Variants in LRRC46 observed in about 807,000 individuals in gnomAD.
The protein encoded by LRRC46 is leucine-rich repeat-containing protein 46.
LRRC46 carries 20 observed loss-of-function variants against 28.0 expected under a neutral mutation model. The ratio of observed to expected loss-of-function variants is 0.71; its 90% CI spans 0.50 to 1.04. The LOEUF is 1.04. LRRC46 is among the 50% of genes least tolerant of loss of function. LRRC46 has a pLI of 0.00. For synonymous variants in LRRC46, 156 were observed against 158.8 expected, an observed-to-expected ratio of 0.98 and a Z score of 0.13; for missense variants, 315 against 390.1, an observed-to-expected ratio of 0.81 and a Z score of 1.62.
At chr17:47,833,490 G>T (rs555166087) in intron 2 of LRRC46, among the ~76,000 whole-genome samples, 2 of 142,198 alleles carry the variant, frequency 1.4e-5, no homozygotes. Flanking sequence ...ACTCTGTTGC[G>T]CAGGCTGGAG....
chr17:47,834,091 C>T (rs1454106266), intron 2 of LRRC46: 7 of 1,029,492 alleles, frequency 6.8e-6, no homozygotes, highest in East Asian at 8.7e-5. Context: ...TGTCCCACCC[C>T]TGCCTCCACC....
At chr17:47,833,783 C>G in intron 2 of LRRC46, 1 of 176,526 alleles carries the variant, frequency 5.7e-6, no homozygotes, top group Non-Finnish European at 1.1e-5. Flanking sequence ...TAGGGTCTTG[C>G]TCTGTCACCC....
At chr17:47,835,604 CTCTTT>C (rs2033684447) in intron 4 of LRRC46, 57 bp from the exon 5 acceptor site, 1 of 1,548,782 alleles carries the variant, frequency 6.5e-7, no homozygotes, top group Non-Finnish European at 8.9e-7. Flanking sequence ...AGGTGCCCTC[CTCTTT>C]TCTTCCAGCT....
chr17:47,833,448 AT>A (rs35268915), intron 2 of LRRC46, among the ~76,000 whole-genome samples: 32,842 of 117,872 alleles, frequency 0.28, 3,296 homozygotes, highest in East Asian at 0.52. Flanking sequence ...CCTTCTTCCT[AT>A]TTTTTTTTTT....
In LRRC46 at chr17:47,831,921, T is replaced by G. The variant is rs904906275; in HGVS notation, c.-69T>G. On this transcript the variant is annotated 5_prime_UTR_variant, in exon 1 of 8. Coordinates refer to ENST00000269025, the MANE Select transcript of LRRC46 (RefSeq NM_033413.4). ...CCTGCCATCCTGAGTTCTGCCATCCTTAGGGGCCGCCAAGACCTCTCTTTT... is the reference window on the plus strand; with the variant it reads ...CCTGCCATCCTGAGTTCTGCCATCCGTAGGGGCCGCCAAGACCTCTCTTTT... 1.2e-6 allele frequency: 2 copies of G among 1,607,306 alleles called. No homozygotes were observed. The highest frequency in any genetic ancestry group is 2.2e-5 in the South Asian group (2 of 90,816).
In LRRC46 at chr17:47,834,428, TCA is replaced by T. The variant is rs778743968; in HGVS notation, c.124_125del (p.Thr42SerfsTer2). On this transcript the variant is annotated frameshift_variant, in exon 3 of 8. Coordinates refer to ENST00000269025, the MANE Select transcript of LRRC46 (RefSeq NM_033413.4). LOFTEE classifies it high-confidence loss of function. ...EDGELSEKMF[H>X]TLDELQTVRL... The stretch of plus-strand genomic sequence containing the variant: ...CCCTTACTGACTCTTTTCCCAGGTT[TCA>T]CACTCTTGATGAACTGCAGACTGTC... 1.9e-6 allele frequency: 3 copies of T among 1,611,038 alleles called. No homozygotes were observed. Among genetic ancestry groups the T allele is most frequent in the Non-Finnish European group, 2.5e-6 (3 of 1,177,954 alleles).
chr17:47,833,949 CTG>C (rs1189560832), intron 2 of LRRC46: 1 of 985,544 alleles, frequency 1.0e-6, no homozygotes, highest in African/African-American at 1.7e-5. Context: ...GGCAGAGACT[CTG>C]TCATTTGTCT....
chr17:47,837,221 T>G lies in LRRC46; in HGVS notation c.*101T>G. 1.0e-5 allele frequency: 15 copies of G among 1,482,818 alleles called. No individual in the cohort carries two copies. Among genetic ancestry groups the G allele is most frequent in the African/African-American group, 1.4e-5 (1 of 70,592 alleles). The allele number at this position is 1,482,818 out of a possible 1,614,324, so 91.9% of individuals were successfully genotyped here. A position where few individuals can be genotyped will look rare whatever the true frequency, so the allele number is the denominator to read the frequency against. ...AAGCCCATCCCCAGTAAAGTGTCTCTAGGCCCTGAGTATGCTTTTCATGTC... is the reference window on the plus strand; with the variant it reads ...AAGCCCATCCCCAGTAAAGTGTCTCGAGGCCCTGAGTATGCTTTTCATGTC... On this transcript the variant is annotated 3_prime_UTR_variant, in exon 8 of 8. Coordinates refer to ENST00000269025, the MANE Select transcript of LRRC46 (RefSeq NM_033413.4).
chr17:47,833,489 C>T (rs1598043603), intron 2 of LRRC46, among the ~76,000 whole-genome samples: 2 of 147,416 alleles, frequency 1.4e-5, no homozygotes, highest in African/African-American at 5.1e-5. Flanking sequence ...CACTCTGTTG[C>T]GCAGGCTGGA....
In LRRC46 at chr17:47,831,940, C is replaced by CG. The variant is rs1311125963; in HGVS notation, c.-50_-49insG. ...CCATCCTTAGGGGCCGCCAAGACCT[C>CG]TCTTTTCGTTCCTCTCCCGCCTCAG... is the stretch of plus-strand genomic sequence containing the variant. On this transcript the variant is annotated 5_prime_UTR_variant, in exon 1 of 8. Transcript: ENST00000269025. 1 of 1,612,278 alleles carries CG rather than the reference C, an allele frequency of 6.2e-7. No individual in the cohort carries two copies. Among genetic ancestry groups the CG allele is most frequent in the Non-Finnish European group, 8.5e-7 (1 of 1,179,920 alleles).
chr17:47,835,575 G>A (rs146327377), intron 4 of LRRC46, 91 bp from the exon 5 acceptor site: 4 of 1,436,910 alleles, frequency 2.8e-6, no homozygotes, highest in Non-Finnish European at 2.9e-6. Context: ...CAGCTGCCTA[G>A]CCCAGGGGCC....
At chr17:47,835,990 G>T (rs753807668) in intron 5 of LRRC46, 43 bp from the exon 6 acceptor site, 1 of 1,605,932 alleles carries the variant, frequency 6.2e-7, no homozygotes, top group Non-Finnish European at 8.5e-7. Flanking sequence ...TTTTGGCTAA[G>T]ATCAAGTGAG....
Position 47,836,230 on chromosome 17 carries a change from C to A in LRRC46, c.453-103C>A. The stretch of plus-strand genomic sequence containing the variant: ...CTTCTCCCCCACCTCCTACCTAGCT[C>A]ATGAGCCACCACCCCTCCGGGTGTG... On this transcript the variant is annotated intron_variant, in intron 6 of 7. Coordinates refer to ENST00000269025, the MANE Select transcript of LRRC46 (RefSeq NM_033413.4). This position sits in a 1 kb window ranked among gnomAD's most constrained non-coding sequence, Gnocchi z 5.8. 6.3e-7 allele frequency: 1 copy of A among 1,583,082 alleles called. No individual in the cohort carries two copies. Among genetic ancestry groups the A allele is most frequent in the Non-Finnish European group, 8.6e-7 (1 of 1,156,956 alleles).
Position 47,836,730 on chromosome 17 carries a change from C to A in LRRC46, c.596-20C>A, listed in dbSNP as rs767273416. On this transcript the variant is annotated intron_variant, in intron 7 of 7. Coordinates refer to ENST00000269025, the MANE Select transcript of LRRC46 (RefSeq NM_033413.4). The surrounding 1 kb of genome is among the most constrained non-coding windows in gnomAD (Gnocchi z 5.8). ...CAGGGCTCCACCCACCCTGTACCCT[C>A]CACCCCCGGCCCCTCCCAGGCTTCC... The A allele has an allele frequency of 5.0e-6, 8 of 1,611,676 alleles. No individual in the cohort carries two copies. The African/African-American group carries it at 1.1e-4, about 22-fold the overall frequency.
chr17:47,836,000 GA>G, intron 5 of LRRC46, 32 bp from the exon 6 acceptor site: 2 of 1,610,756 alleles, frequency 1.2e-6, no homozygotes, highest in Non-Finnish European at 1.7e-6. Context: ...GATCAAGTGA[GA>G]ACCCCATTTC....
intron 5 of LRRC46, 108 bp downstream of exon 5, chr17:47,835,883 C>A: frequency 7.6e-7 from 1 of 1,318,880 alleles, no homozygotes; most frequent in Non-Finnish European, 1.1e-6. Context: ...TGCAGGTCCA[C>A]ATTTCATCCT....
At chr17:47,835,269 A>G (rs773181279) in intron 3 of LRRC46, 84 bp from the exon 4 acceptor site, 28 of 1,380,766 alleles carry the variant, frequency 2.0e-5, no homozygotes, top group Middle Eastern at 3.5e-4. Flanking sequence ...CAGAGTAGAC[A>G]TGGTCTTGGG....
In LRRC46 at chr17:47,835,753, C is replaced by T; in HGVS notation, c.360C>T (p.Asn120=). Reference sequence around the variant, plus strand: ...TCCAGTTTCTGGACCTTTCTGAGAACCTGATAGAAACATTGAAGCTGGGTA... The same window carrying T: ...TCCAGTTTCTGGACCTTTCTGAGAATCTGATAGAAACATTGAAGCTGGGTA... ...PCLQFLDLSE[N]LIETLKLDEF... The change falls in exon 5 of 8, where the codon AAC becomes AAT. Residue 120 remains asparagine (N), a synonymous_variant. Coordinates refer to ENST00000269025, the MANE Select transcript of LRRC46 (RefSeq NM_033413.4). 6.2e-7 allele frequency: 1 copy of T among 1,614,184 alleles called. No individual in the cohort carries two copies. The highest frequency in any genetic ancestry group is 1.1e-5 in the South Asian group (1 of 91,088).
At position 47,835,404 on chromosome 17, in the gene LRRC46, G is replaced by A; in HGVS notation, c.272+5G>A. ...GGCTTGCATCCCCTCCTTGCGGTAT[G>A]TGGTGCCAGGGCTCAGGCAGGGGAA... On this transcript the variant is annotated splice_donor_5th_base_variant and intron_variant, in intron 4 of 7. Transcript: ENST00000269025. 6.2e-7 allele frequency: 1 copy of A among 1,613,962 alleles called. No individual in the cohort carries two copies. The highest frequency in any genetic ancestry group is 8.5e-7 in the Non-Finnish European group (1 of 1,180,020).
Sources: allele counts gnomAD v4.1 joint callset (sites outside exome capture counted in the v4.1 genomes callset), GRCh38; gene constraint gnomAD v4.1.1; non-coding constraint Gnocchi (gnomAD v3.1); transcripts MANE v1.5; gene names NCBI Gene and HGNC (gene_info 2026-07-23, HGNC 2026-07-21).